The following TTC21A variants were observed in gnomAD, a reference collection of about 807,000 sequenced individuals.
TTC21A encodes tetratricopeptide repeat domain 21A, also known as tetratricopeptide repeat protein 21A.
Under a neutral mutation model 156.4 loss-of-function variants are expected in TTC21A, and 128 were observed. The ratio of observed to expected loss-of-function variants is 0.82; its 90% CI spans 0.71 to 0.95. The LOEUF is 0.95. Ranked by LOEUF, TTC21A falls within the 40% of genes least tolerant of loss-of-function variation. The pLI is 0.00. For synonymous variants in TTC21A, 587 were observed against 617.1 expected, an observed-to-expected ratio of 0.95 and a Z score of 0.72; for missense variants, 1,435 against 1,602.3, an observed-to-expected ratio of 0.90 and a Z score of 1.78.
chr3:39,111,031 C>A lies in TTC21A; in HGVS notation c.435+14C>A. The A allele has an allele frequency of 6.3e-7, 1 of 1,586,274 alleles. No individual in the cohort carries two copies. Among genetic ancestry groups the A allele is most frequent in the South Asian group, 1.1e-5 (1 of 89,466 alleles). The stretch of plus-strand genomic sequence containing the variant: ...GGCTTCAGAGAGGTACTTACCACAC[C>A]ATGGGGACAACAGGCGAAGAAAGCA... On this transcript the variant is annotated intron_variant, in intron 4 of 28. Coordinates refer to ENST00000683103, the MANE Select transcript of TTC21A (RefSeq NM_001366900.1).
intron 2 of TTC21A, 141 bp from the exon 3 acceptor site, chr3:39,109,888 T>C: frequency 1.6e-6 from 1 of 623,902 alleles, no homozygotes; most frequent in South Asian, 1.9e-5. Flanking sequence ...AGCCCCAATC[T>C]TCAGGGAACT....
chr3:39,112,310 TGA>T (rs1306137912), intron 4 of TTC21A, 146 bp from the exon 5 acceptor site: 8 of 751,178 alleles, frequency 1.1e-5, no homozygotes, highest in Non-Finnish European at 2.2e-6. Context: ...GTCCTGGCCA[TGA>T]GAGAGAGCTG....
Position 39,137,236 on chromosome 3 carries a change from C to T in TTC21A, c.3299C>T (p.Thr1100Ile). 1 of 1,614,120 alleles carries T rather than the reference C, an allele frequency of 6.2e-7. No individual in the cohort carries two copies. The highest frequency in any genetic ancestry group is 8.5e-7 in the Non-Finnish European group (1 of 1,179,992). ...KKELEQQGVSTAEKLLREFYP... is the reference protein window; with the variant it reads ...KKELEQQGVSIAEKLLREFYP... ...GAGTTGGAGCAGCAGGGTGTGAGCACCGCCGAGAAACTGCTGCGTGAGTTT... is the reference window on the plus strand; with the variant it reads ...GAGTTGGAGCAGCAGGGTGTGAGCATCGCCGAGAAACTGCTGCGTGAGTTT... The change falls in exon 25 of 29, where the codon ACC becomes ATC. Residue 1100 changes from threonine to isoleucine, a missense_variant. Thr to Ile is a moderately conservative substitution (Grantham distance 89). Transcript: ENST00000683103.
At chr3:39,110,214 C>T (rs1466308419) in intron 3 of TTC21A, 75 bp downstream of exon 3, 4 of 1,148,584 alleles carry the variant, frequency 3.5e-6, no homozygotes, top group Non-Finnish European at 5.2e-6. Flanking sequence ...AACACAGCCC[C>T]TCAAGGGCTG....
intron 22 of TTC21A, 108 bp from the exon 23 acceptor site, chr3:39,136,249 C>A: frequency 8.3e-7 from 1 of 1,205,590 alleles, no homozygotes; most frequent in Non-Finnish European, 1.2e-6. Context: ...AATGTCCCTG[C>A]TCAGCCCAGA....
intron 9 of TTC21A, among the ~76,000 whole-genome samples, chr3:39,123,619 G>T (rs784512): frequency 0.54 from 82,496 of 151,850 alleles, 25,445 homozygotes; most frequent in East Asian, 0.72. Context: ...TTTCCCTGGG[G>T]ATTCTAAGCC....
rs1312363987 is a variant in TTC21A at position 39,125,440 on chromosome 3, G to A, written c.1300G>A (p.Gly434Ser). 9 of 1,613,982 alleles carry A rather than the reference G, an allele frequency of 5.6e-6. No individual in the cohort carries two copies. The highest frequency in any genetic ancestry group is 1.3e-5 in the African/African-American group (1 of 74,938). Residue 434 changes from glycine to serine, a missense_variant, in exon 11 of 29, where the codon GGC becomes AGC. By Grantham distance (56) the Gly-to-Ser change is moderately conservative. Coordinates refer to ENST00000683103, the MANE Select transcript of TTC21A (RefSeq NM_001366900.1). ...GGAGCTTCACTTCTCCAGCATGCAA[G>A]GCATCCCTCTTGGCTCTGAGTACTT... ...AVELHFSSMQGIPLGSEYFEK... is the reference protein window; with the variant it reads ...AVELHFSSMQSIPLGSEYFEK...
intron 4 of TTC21A, 60 bp from the exon 5 acceptor site, chr3:39,112,398 A>T (rs2036910691): frequency 2.5e-6 from 4 of 1,582,420 alleles, no homozygotes; most frequent in East Asian, 2.2e-5. Flanking sequence ...GATCATGTGC[A>T]GGCTGAGTTG....
chr3:39,126,540 T>TAC (rs1368714976), intron 12 of TTC21A, 150 bp downstream of exon 12: 12 of 770,542 alleles, frequency 1.6e-5, no homozygotes, highest in Admixed American at 2.5e-5. Flanking sequence ...CCTGGGGTAC[T>TAC]ACGCACACAC....
In TTC21A at chr3:39,138,857, G is replaced by A; in HGVS notation, c.*69G>A. On this transcript the variant is annotated 3_prime_UTR_variant, in exon 29 of 29. Coordinates refer to ENST00000683103, the MANE Select transcript of TTC21A (RefSeq NM_001366900.1). ...GAAGTTGTGTGGAGGGATGGAAAGT[G>A]GGTCAGTGGAGAAGGGATTCAGAAA... is the stretch of plus-strand genomic sequence containing the variant. 7.4e-7 allele frequency: 1 copy of A among 1,343,896 alleles called. No individual in the cohort carries two copies. The highest frequency in any genetic ancestry group is 1.1e-6 in the Non-Finnish European group (1 of 948,862). 83.2% of individuals were successfully genotyped at this position (1,343,896 alleles called of 1,614,324 possible). A position where few individuals can be genotyped will look rare whatever the true frequency, so the allele number is the denominator to read the frequency against.
At chr3:39,120,249 A>G (rs1451412056) in intron 8 of TTC21A, among the ~76,000 whole-genome samples, 3 of 152,148 alleles carry the variant, frequency 2.0e-5, no homozygotes, top group African/African-American at 7.2e-5. Context: ...GATGCCATGA[A>G]GATCAGGGAG....
chr3:39,116,744 A>T (rs938508539), intron 6 of TTC21A, among the ~76,000 whole-genome samples: 3 of 152,200 alleles, frequency 2.0e-5, no homozygotes, highest in African/African-American at 7.2e-5. Context: ...TGCTGGAGTT[A>T]TGGGTATGAG....
intron 6 of TTC21A, among the ~76,000 whole-genome samples, chr3:39,115,470 C>T (rs9814913): frequency 0.034 from 5,204 of 152,180 alleles, 132 homozygotes; most frequent in Non-Finnish European, 0.048. Flanking sequence ...AGACCAGCCT[C>T]GGCAACATAG....
In TTC21A at chr3:39,123,430, G is replaced by T. The variant is rs574864519; in HGVS notation, c.1094-1633G>T. Among the ~76,000 whole-genome samples the T allele has an allele frequency of 9.2e-5, 14 of 152,266 alleles. No homozygotes were observed. The South Asian group carries it at 1.2e-3, about 14-fold the overall frequency. On this transcript the variant is annotated intron_variant, in intron 9 of 28. Coordinates refer to ENST00000683103, the MANE Select transcript of TTC21A (RefSeq NM_001366900.1). ...TTGAGGCCAGCACTGACTGGGATAA[G>T]CAAATAGATAAATGGGATGTAACAG... is the stretch of plus-strand genomic sequence containing the variant.
chr3:39,115,635 C>T (rs2037228647), intron 6 of TTC21A, among the ~76,000 whole-genome samples: 1 of 152,066 alleles, frequency 6.6e-6, no homozygotes, highest in African/African-American at 2.4e-5. Flanking sequence ...TCACTGTGCT[C>T]CAGCCTGGGT....
intron 19 of TTC21A, 95 bp downstream of exon 19, chr3:39,131,190 G>A: frequency 1.0e-6 from 1 of 993,366 alleles, no homozygotes; most frequent in Admixed American, 2.5e-5. Context: ...GAAAGCCCCA[G>A]ACCTCTTCCT....
chr3:39,107,962 C>A, intron 1 of TTC21A, 98 bp downstream of exon 1: 1 of 1,470,530 alleles, frequency 6.8e-7, no homozygotes, highest in Non-Finnish European at 9.4e-7. Context: ...CCTTCGCTGT[C>A]CTCAGTTATA....
chr3:39,114,660 A>G lies in TTC21A; in HGVS notation c.634A>G (p.Ser212Gly), dbSNP rs778191671. 1 of 1,614,212 alleles carries G rather than the reference A, an allele frequency of 6.2e-7. No homozygotes were observed. The highest frequency in any genetic ancestry group is 8.5e-7 in the Non-Finnish European group (1 of 1,180,032). ...VVNQITVTSGSFLPALVLKMQ... is the reference protein window; with the variant it reads ...VVNQITVTSGGFLPALVLKMQ... ...GAACCAGATCACTGTGACTTCAGGGAGCTTCCTGCCAGCCCTCGTCCTGAA... is the reference window on the plus strand; with the variant it reads ...GAACCAGATCACTGTGACTTCAGGGGGCTTCCTGCCAGCCCTCGTCCTGAA... Residue 212 changes from serine (S) to glycine (G), a missense_variant, in exon 6 of 29, where the codon AGC (serine) becomes GGC (glycine). Physicochemically the swap from Ser to Gly is moderately conservative, Grantham distance 56. Transcript: ENST00000683103.
intron 5 of TTC21A, among the ~76,000 whole-genome samples, chr3:39,113,682 A>G (rs754130648): frequency 1.3e-5 from 2 of 152,220 alleles, no homozygotes; most frequent in Non-Finnish European, 2.9e-5. Flanking sequence ...GCATATTGTC[A>G]TTTAGTTTGT....
Sources: gnomAD v4.1 joint callset for allele counts (sites outside exome capture counted in the v4.1 genomes callset) on GRCh38, gnomAD v4.1.1 for gene constraint, MANE v1.5 for transcripts, NCBI Gene and HGNC (gene_info 2026-07-23, HGNC 2026-07-21) for gene names.